UTRN: variants seen among roughly 807,000 people sequenced by gnomAD.
UTRN encodes the protein dystrophin-related protein 1.
Under a neutral mutation model 463.9 loss-of-function variants are expected in UTRN, and 283 were observed. The observed-to-expected ratio is 0.61, with a 90% CI of 0.55 to 0.67. The LOEUF is 0.67. UTRN is among the 30% of genes least tolerant of loss of function. The pLI, the probability that UTRN is intolerant of heterozygous loss-of-function variation, is 0.00. For synonymous variants in UTRN, 1,442 were observed against 1,431.5 expected, an observed-to-expected ratio of 1.01 and a Z score of -0.17; for missense variants, 3,922 against 4,084.3, an observed-to-expected ratio of 0.96 and a Z score of 1.08.
intron 13 of UTRN, among the ~76,000 whole-genome samples, chr6:144,442,412 G>T (rs1787267735): frequency 6.6e-6 from 1 of 151,828 alleles, no homozygotes; most frequent in Non-Finnish European, 1.5e-5. Context: ...TACATTTTAG[G>T]GTATCTTTTC....
At chr6:144,837,712 C>G (rs918550740) in intron 71 of UTRN, among the ~76,000 whole-genome samples, 1 of 152,200 alleles carries the variant, frequency 6.6e-6, no homozygotes, top group East Asian at 1.9e-4. Flanking sequence ...GTCTTTTTAA[C>G]TTACCAGAAT....
chr6:144,763,076 T>C (rs10499233), intron 58 of UTRN, among the ~76,000 whole-genome samples: 10,098 of 152,182 alleles, frequency 0.066, 1,077 homozygotes, highest in African/African-American at 0.23. Flanking sequence ...TAATTCTTCA[T>C]AGAACCCTAA....
At chr6:144,813,376 A>T (rs1317048723) in intron 65 of UTRN, among the ~76,000 whole-genome samples, 1 of 151,744 alleles carries the variant, frequency 6.6e-6, no homozygotes, top group Non-Finnish European at 1.5e-5. Flanking sequence ...TTTAGTAGAG[A>T]CGGGGTTTCA....
At chr6:144,379,751 T>C (rs1304513508) in intron 2 of UTRN, among the ~76,000 whole-genome samples, 1 of 152,140 alleles carries the variant, frequency 6.6e-6, no homozygotes, top group African/African-American at 2.4e-5. Context: ...CCACCACACA[T>C]GATTTTGTAA....
intron 50 of UTRN, among the ~76,000 whole-genome samples, chr6:144,561,743 AT>A (rs1799946478): frequency 6.6e-6 from 1 of 152,074 alleles, no homozygotes; most frequent in Non-Finnish European, 1.5e-5. Flanking sequence ...AACATGTCTA[AT>A]ATGTGGGGTT....
intron 2 of UTRN, among the ~76,000 whole-genome samples, chr6:144,367,430 T>C (rs548285926): frequency 6.6e-6 from 1 of 152,272 alleles, no homozygotes; most frequent in African/African-American, 2.4e-5. Context: ...TTTTATTTTA[T>C]AGATATGTTC....
At position 144,554,909 on chromosome 6, in the gene UTRN, T is replaced by G; in HGVS notation, c.7134+16T>G. On this transcript the variant is annotated intron_variant, in intron 49 of 74. Transcript: ENST00000367545. Reference sequence around the variant, plus strand: ...TGATAACCAAGTAAGACTCATCAGATATTTTTTGGCAGTATTGTTTTGTTG... The same window carrying G: ...TGATAACCAAGTAAGACTCATCAGAGATTTTTTGGCAGTATTGTTTTGTTG... 3.1e-6 allele frequency: 5 copies of G among 1,613,336 alleles called. 1 individual carries two copies. Among genetic ancestry groups the G allele is most frequent in the Non-Finnish European group, 4.2e-6 (5 of 1,179,638 alleles).
chr6:144,702,643 A>G (rs1400764388), intron 53 of UTRN, among the ~76,000 whole-genome samples: 1 of 152,224 alleles, frequency 6.6e-6, no homozygotes, highest in Non-Finnish European at 1.5e-5. Context: ...TCAGGAAAGT[A>G]TCACAAATTG....
rs1306432078 is a variant in UTRN, at chr6:144,750,840, T to TACTGGGA, written c.8209-963_8209-957dup. Among the ~76,000 whole-genome samples, 9 of 152,276 alleles carry TACTGGGA rather than the reference T, an allele frequency of 5.9e-5. No individual in the cohort carries two copies. The East Asian group carries it at 7.7e-4, about 13-fold the overall frequency. On this transcript the variant is annotated intron_variant, in intron 55 of 74. Transcript: ENST00000367545. The stretch of plus-strand genomic sequence containing the variant: ...CTATTCCCAAGCAGCTTCCATTCTT[T>TACTGGGA]ACTGGGAACGTCAAGAATGTGGATG...
intron 2 of UTRN, chr6:144,398,474 C>A: frequency 2.7e-6 from 1 of 370,634 alleles, no homozygotes; most frequent in South Asian, 2.6e-5. Context: ...TTTTTTCCCT[C>A]CAATTATTGG....
At chr6:144,476,861 C>A (rs1321854981) in intron 25 of UTRN, among the ~76,000 whole-genome samples, 1 of 151,998 alleles carries the variant, frequency 6.6e-6, no homozygotes, top group East Asian at 1.9e-4. Context: ...CCAAGCATAA[C>A]CAACTTTGAG....
At chr6:144,557,005 T>A in intron 49 of UTRN, 152 bp from the exon 50 acceptor site, 1 of 916,586 alleles carries the variant, frequency 1.1e-6, no homozygotes, top group South Asian at 3.3e-5. Context: ...GGTTTAAGCT[T>A]ACATATAACA....
chr6:144,328,906 C>G (rs953084894), intron 2 of UTRN, among the ~76,000 whole-genome samples: 1 of 152,052 alleles, frequency 6.6e-6, no homozygotes, highest in Non-Finnish European at 1.5e-5. Context: ...GCCTCAGTCT[C>G]CCAAGTAGCT....
intron 9 of UTRN, among the ~76,000 whole-genome samples, chr6:144,433,841 C>G (rs1298428794): frequency 6.7e-6 from 1 of 149,952 alleles, no homozygotes; most frequent in Non-Finnish European, 1.5e-5. Flanking sequence ...CGGGCAGAGA[C>G]GCTCCTCACT....
chr6:144,773,345 C>T (rs1037131298), intron 59 of UTRN, among the ~76,000 whole-genome samples: 1 of 151,998 alleles, frequency 6.6e-6, no homozygotes, highest in Non-Finnish European at 1.5e-5. Flanking sequence ...AGGAAAATCT[C>T]CTTTATTGGG....
chr6:144,324,945 A>G (rs1472632337), intron 2 of UTRN, among the ~76,000 whole-genome samples: 1 of 152,170 alleles, frequency 6.6e-6, no homozygotes, highest in Non-Finnish European at 1.5e-5. Flanking sequence ...CTGAAAACTG[A>G]GAGTTTGGTT....
intron 47 of UTRN, among the ~76,000 whole-genome samples, 181 bp from the exon 48 acceptor site, chr6:144,550,784 A>G (rs1798837027): frequency 6.6e-6 from 1 of 152,202 alleles, no homozygotes; most frequent in African/African-American, 2.4e-5. Flanking sequence ...GGAAGAACTG[A>G]GATTTGAATG....
intron 2 of UTRN, among the ~76,000 whole-genome samples, chr6:144,379,973 G>A (rs1400350674): frequency 6.6e-6 from 1 of 152,192 alleles, no homozygotes; most frequent in Non-Finnish European, 1.5e-5. Flanking sequence ...TTCAGGCAGG[G>A]AGTGTTCTAT....
chr6:144,728,381 A>AT (rs912444240), intron 53 of UTRN, among the ~76,000 whole-genome samples: 2 of 151,276 alleles, frequency 1.3e-5, no homozygotes, highest in African/African-American at 4.9e-5. Flanking sequence ...GTAAATGTGT[A>AT]TTTTTTTGGA....
Sources: gnomAD v4.1 joint callset for allele counts (sites outside exome capture counted in the v4.1 genomes callset) on GRCh38, gnomAD v4.1.1 for gene constraint, MANE v1.5 for transcripts, NCBI Gene and HGNC (gene_info 2026-07-23, HGNC 2026-07-21) for gene names.